The following RNF169 variants were observed in gnomAD, a reference collection of about 807,000 sequenced individuals.
RNF169 encodes E3 ubiquitin-protein ligase RNF169.
In RNF169, 24 loss-of-function variants were observed where a neutral mutation model predicts 53.9. The ratio of observed to expected loss-of-function variants is 0.45; its 90% CI spans 0.32 to 0.63. RNF169 has a LOEUF of 0.63. Ranked by LOEUF, RNF169 falls within the 20% of genes least tolerant of loss-of-function variation. The pLI, the probability that RNF169 is intolerant of heterozygous loss-of-function variation, is 0.04. For synonymous variants in RNF169, 396 were observed against 363.5 expected (o/e 1.09, Z -1.02); for missense variants, 883 against 906.2 (o/e 0.97, Z 0.33).
intron 4 of RNF169, among the ~76,000 whole-genome samples, chr11:74,820,521 A>G (rs556577981): frequency 2.0e-5 from 3 of 151,838 alleles, no homozygotes; most frequent in Non-Finnish European, 4.4e-5. Context: ...TGTGTGGGGA[A>G]TAGTCAAACA....
chr11:74,839,440 T>C lies in RNF169; in HGVS notation c.*2710T>C, dbSNP rs567428534. The stretch of plus-strand genomic sequence containing the variant: ...TTCTGAAGTTGGTTAAAAGTCGATA[T>C]GTTGATGTGTATTATTTGGGGGAAC... On this transcript the variant is annotated 3_prime_UTR_variant, in exon 6 of 6. Transcript: ENST00000299563. 1 of 152,292 alleles carries C rather than the reference T, an allele frequency of 6.6e-6. No individual in the cohort carries two copies. Among genetic ancestry groups the C allele is most frequent in the Non-Finnish European group, 1.5e-5 (1 of 68,022 alleles). The allele number at this position is 152,292 out of a possible 1,614,324, so 9.4% of individuals were successfully genotyped here.
intron 4 of RNF169, among the ~76,000 whole-genome samples, chr11:74,822,028 T>TGAGAGA (rs375488345): frequency 5.5e-4 from 82 of 147,842 alleles, no homozygotes; most frequent in African/African-American, 2.0e-3. Context: ...TGTGAGTGAG[T>TGAGAGA]GAGAGAGAGA....
At chr11:74,833,981 C>G (rs2036215352) in intron 4 of RNF169, among the ~76,000 whole-genome samples, 1 of 152,162 alleles carries the variant, frequency 6.6e-6, no homozygotes, top group South Asian at 2.1e-4. Flanking sequence ...TGATAAAACT[C>G]TTAGAAGAAG....
intron 1 of RNF169, among the ~76,000 whole-genome samples, chr11:74,759,867 A>G (rs1187241540): frequency 4.0e-5 from 6 of 151,896 alleles, no homozygotes; most frequent in Non-Finnish European, 2.9e-5. Flanking sequence ...ATTGATTGGA[A>G]TAGTTTCAGA....
chr11:74,786,882 G>A lies in RNF169; in HGVS notation c.503-2744G>A, dbSNP rs552692778. ...AAATGTTAAGCTCTTGAAACATTTTGTACTAAATATCAGTGAAGTATTTTG... is the reference window on the plus strand; with the variant it reads ...AAATGTTAAGCTCTTGAAACATTTTATACTAAATATCAGTGAAGTATTTTG... On this transcript the variant is annotated intron_variant, in intron 1 of 5. Transcript: ENST00000299563. Among the ~76,000 whole-genome samples, 6 of 152,264 alleles carry A rather than the reference G, an allele frequency of 3.9e-5. No homozygotes were observed. In the East Asian group the frequency reaches 9.6e-4, roughly 24 times the overall value.
intron 1 of RNF169, among the ~76,000 whole-genome samples, chr11:74,749,920 G>A (rs1417248385): frequency 1.3e-5 from 2 of 152,186 alleles, no homozygotes; most frequent in Non-Finnish European, 2.9e-5. Context: ...TTTGGAAAAT[G>A]TATGCTTAGC....
At chr11:74,811,294 T>G (rs2035872209) in intron 3 of RNF169, among the ~76,000 whole-genome samples, 1 of 152,174 alleles carries the variant, frequency 6.6e-6, no homozygotes, top group Non-Finnish European at 1.5e-5. Context: ...CAGGCTGGAG[T>G]GCAGGGGTGT....
intron 2 of RNF169, among the ~76,000 whole-genome samples, chr11:74,797,582 T>C (rs971795806): frequency 7.9e-5 from 12 of 152,330 alleles, no homozygotes; most frequent in African/African-American, 1.4e-4. Context: ...CAAGTACTTA[T>C]CTAATTGAAT....
At position 74,836,459 on chromosome 11, in the gene RNF169, G is replaced by A. The variant is rs200124433; in HGVS notation, c.1856G>A (p.Arg619His). 1.5e-5 allele frequency: 25 copies of A among 1,614,152 alleles called. No individual in the cohort carries two copies. The highest frequency in any genetic ancestry group is 8.8e-5 in the South Asian group (8 of 91,084). ...SLSEEPLPSL[R>H]RGRKRHCKTK... ...AGTGAAGAGCCACTTCCTTCTTTGC[G>A]TCGAGGCCGGAAAAGACACTGCAAG... is the stretch of plus-strand genomic sequence containing the variant. The change falls in exon 6 of 6, where the codon CGT becomes CAT. Residue 619 changes from arginine to histidine, a missense_variant. Coordinates refer to ENST00000299563, the MANE Select transcript of RNF169 (RefSeq NM_001098638.2).
intron 2 of RNF169, among the ~76,000 whole-genome samples, chr11:74,809,816 A>G (rs958224687): frequency 6.6e-6 from 1 of 152,230 alleles, no homozygotes; most frequent in African/African-American, 2.4e-5. Flanking sequence ...TTCTGTGGCC[A>G]TCTCTGCTCT....
chr11:74,819,487 A>G (rs749772476), intron 4 of RNF169, among the ~76,000 whole-genome samples: 2 of 152,208 alleles, frequency 1.3e-5, no homozygotes, highest in Non-Finnish European at 2.9e-5. Flanking sequence ...AGGCAGGGAT[A>G]GCATCTTGTT....
At chr11:74,755,938 G>C (rs1039634964) in intron 1 of RNF169, among the ~76,000 whole-genome samples, 1 of 152,146 alleles carries the variant, frequency 6.6e-6, no homozygotes, top group Admixed American at 6.5e-5. Context: ...ATTTTTAAGT[G>C]GTGGAATAAC....
chr11:74,797,050 C>T (rs2035659273), intron 2 of RNF169, among the ~76,000 whole-genome samples: 1 of 152,074 alleles, frequency 6.6e-6, no homozygotes, highest in Non-Finnish European at 1.5e-5. Flanking sequence ...ATTTTCTCCC[C>T]ATTGTGGGCT....
chr11:74,755,545 AGACTCCACAGTGTGGT>A, intron 1 of RNF169, among the ~76,000 whole-genome samples: 1 of 152,252 alleles, frequency 6.6e-6, no homozygotes, highest in Non-Finnish European at 1.5e-5. Context: ...CTTTTCTTTA[AGACTCCACAGTGTGGT>A]TGGGGAAACA....
In RNF169 at chr11:74,837,597, C is replaced by G. The variant is rs948791484; in HGVS notation, c.*867C>G. On this transcript the variant is annotated 3_prime_UTR_variant, in exon 6 of 6. Transcript: ENST00000299563. ...AAACATATATGTGCATTATCCCCATCCCCCACAGTTTAGAGCCTTCTGCTT... is the reference window on the plus strand; with the variant it reads ...AAACATATATGTGCATTATCCCCATGCCCCACAGTTTAGAGCCTTCTGCTT... The G allele has an allele frequency of 6.6e-6, 1 of 152,260 alleles. No homozygotes were observed. The highest frequency in any genetic ancestry group is 2.4e-5 in the African/African-American group (1 of 41,474). 9.4% of individuals were successfully genotyped at this position (152,260 alleles called of 1,614,324 possible).
At chr11:74,810,431 G>GT (rs1182620318) in intron 3 of RNF169, 101 bp downstream of exon 3, 16 of 1,027,974 alleles carry the variant, frequency 1.6e-5, no homozygotes, top group Non-Finnish European at 2.4e-5. Flanking sequence ...TGTGAGACCA[G>GT]TAACAGTCAG....
chr11:74,797,552 T>C (rs1011430066), intron 2 of RNF169, among the ~76,000 whole-genome samples: 2 of 152,250 alleles, frequency 1.3e-5, no homozygotes, highest in Non-Finnish European at 2.9e-5. Context: ...TAATATAATA[T>C]CTTGCACATA....
At chr11:74,754,137 A>G (rs533402661) in intron 1 of RNF169, among the ~76,000 whole-genome samples, 25 of 152,184 alleles carry the variant, frequency 1.6e-4, no homozygotes, top group Admixed American at 5.2e-4. Flanking sequence ...GTCTTTGGGA[A>G]ACATTAGTGA....
Position 74,836,718 on chromosome 11 carries a change from C to T in RNF169, c.2115C>T (p.Ala705=), listed in dbSNP as rs71465936. 6.8e-5 allele frequency: 110 copies of T among 1,608,336 alleles called. No individual in the cohort carries two copies. The highest frequency in any genetic ancestry group is 8.7e-5 in the Non-Finnish European group (103 of 1,178,418). The change falls in exon 6 of 6, where the codon GCC becomes GCT. Residue 705 remains alanine (A), a synonymous_variant. Transcript: ENST00000299563. ...DQYLLRSSNM[A]GAK Reference sequence around the variant, plus strand: ...ATCTCCTACGGTCCAGCAACATGGCCGGGGCCAAGTAGCACCTAATGAAGT... The same window carrying T: ...ATCTCCTACGGTCCAGCAACATGGCTGGGGCCAAGTAGCACCTAATGAAGT...
Sources: allele counts gnomAD v4.1 joint callset (sites outside exome capture counted in the v4.1 genomes callset), GRCh38; gene constraint gnomAD v4.1.1; transcripts MANE v1.5; gene names NCBI Gene and HGNC (gene_info 2026-07-23, HGNC 2026-07-21).